Variants in CORO2B observed in about 807,000 individuals in gnomAD.
CORO2B encodes coronin-2B.
Under a neutral mutation model 58.8 loss-of-function variants are expected in CORO2B, and 26 were observed. The observed-to-expected ratio is 0.44, with a 90% CI of 0.32 to 0.61. The LOEUF is 0.61. CORO2B is among the 20% of genes least tolerant of loss of function. CORO2B has a pLI of 0.04. For missense variants in CORO2B, 460 were observed against 645.1 expected, an observed-to-expected ratio of 0.71 and a Z score of 3.11; for synonymous variants, 242 against 253.8, an observed-to-expected ratio of 0.95 and a Z score of 0.44.
chr15:68,522,903 T>G, the CORO2B span, among the ~76,000 whole-genome samples: 2 of 152,226 alleles, frequency 1.3e-5, no homozygotes, highest in African/African-American at 2.4e-5. Context: ...TATTTTTTAT[T>G]GAATACTGGA....
chr15:68,523,211 G>A, the CORO2B span, among the ~76,000 whole-genome samples: 2 of 151,086 alleles, frequency 1.3e-5, no homozygotes, highest in East Asian at 3.9e-4. Flanking sequence ...TTCTTTTTGA[G>A]ACAGGGTCTC....
At chr15:68,591,069 T>C (rs1346267760) in intron 1 of CORO2B, among the ~76,000 whole-genome samples, 1 of 152,160 alleles carries the variant, frequency 6.6e-6, no homozygotes, top group Admixed American at 6.5e-5. Flanking sequence ...GGGATCCTGG[T>C]CTGTGGGGGG....
At chr15:68,692,729 G>A (rs758316541) in intron 2 of CORO2B, among the ~76,000 whole-genome samples, 5 of 150,266 alleles carry the variant, frequency 3.3e-5, no homozygotes, top group Non-Finnish European at 7.4e-5. Flanking sequence ...CGCCTCCTAG[G>A]TTCAAGTGAT....
chr15:68,526,353 A>G, the CORO2B span, among the ~76,000 whole-genome samples: 1 of 152,214 alleles, frequency 6.6e-6, no homozygotes, highest in Non-Finnish European at 1.5e-5. Context: ...AAATTTTCTG[A>G]AGGGGCTATA....
chr15:68,642,876 A>C (rs1224166685), intron 1 of CORO2B, among the ~76,000 whole-genome samples: 1 of 152,198 alleles, frequency 6.6e-6, no homozygotes, highest in African/African-American at 2.4e-5. Context: ...AAGGAACAGG[A>C]GGTTGGAGTG....
chr15:68,638,863 G>A (rs935989381), intron 1 of CORO2B, among the ~76,000 whole-genome samples: 6 of 152,346 alleles, frequency 3.9e-5, no homozygotes, highest in East Asian at 1.9e-4. Context: ...TCATGACTGC[G>A]GGTGGGCTTT....
At chr15:68,621,763 ACTT>A (rs1900525691) in intron 1 of CORO2B, among the ~76,000 whole-genome samples, 1 of 141,786 alleles carries the variant, frequency 7.1e-6, no homozygotes. Context: ...GGCAAGTTTC[ACTT>A]CTTTTTTTTT....
chr15:68,607,817 CAAAA>C (rs34353055), intron 1 of CORO2B, among the ~76,000 whole-genome samples: 1 of 106,200 alleles, frequency 9.4e-6, no homozygotes. Context: ...GACCCTATCT[CAAAA>C]AAAAAAAAAA....
At chr15:68,578,902 C>A, upstream of CORO2B, 1 of 485,112 alleles carries the variant, frequency 2.1e-6, no homozygotes, top group Non-Finnish European at 2.7e-6. The surrounding 1 kb of genome is among the most constrained non-coding windows in gnomAD (Gnocchi z 4.2). Context: ...GCTTCCTCCT[C>A]CTCCTCCCTC....
intron 1 of CORO2B, among the ~76,000 whole-genome samples, chr15:68,581,042 G>A (rs57506624): frequency 9.2e-5 from 14 of 152,138 alleles, no homozygotes; most frequent in Non-Finnish European, 1.8e-4. Context: ...GCTCTGCATC[G>A]TTGGGCATCC....
chr15:68,699,064 G>A (rs1892580738), intron 3 of CORO2B, among the ~76,000 whole-genome samples: 1 of 152,192 alleles, frequency 6.6e-6, no homozygotes, highest in Non-Finnish European at 1.5e-5. Context: ...AGGAGTCCCA[G>A]GAAGAGACCC....
chr15:68,687,178 T>C (rs1903010744), intron 2 of CORO2B, among the ~76,000 whole-genome samples: 1 of 152,168 alleles, frequency 6.6e-6, no homozygotes, highest in Non-Finnish European at 1.5e-5. Context: ...GACCAGGGTC[T>C]GGGAATCTGG....
intron 3 of CORO2B, among the ~76,000 whole-genome samples, chr15:68,698,612 G>A (rs1892569238): frequency 2.6e-5 from 4 of 152,156 alleles, no homozygotes; most frequent in Non-Finnish European, 5.9e-5. Flanking sequence ...TGGCTGCTGG[G>A]GTCCAAAGAG....
intron 2 of CORO2B, among the ~76,000 whole-genome samples, chr15:68,691,920 C>T (rs564505577): frequency 6.6e-6 from 1 of 152,294 alleles, no homozygotes; most frequent in African/African-American, 2.4e-5. Flanking sequence ...GTGCCAAACA[C>T]TTAATGCACA....
At chr15:68,542,623 T>G in the CORO2B span, among the ~76,000 whole-genome samples, 1 of 152,242 alleles carries the variant, frequency 6.6e-6, no homozygotes, top group Non-Finnish European at 1.5e-5. Flanking sequence ...GGCACCCTCA[T>G]GGCCACCTGT....
chr15:68,621,719 C>T (rs1163758959), intron 1 of CORO2B, among the ~76,000 whole-genome samples: 6 of 151,494 alleles, frequency 4.0e-5, no homozygotes, highest in African/African-American at 1.2e-4. Context: ...GGGTTCAAAG[C>T]TCAGTTCAGC....
chr15:68,533,625 C>T, the CORO2B span, among the ~76,000 whole-genome samples: 1 of 152,166 alleles, frequency 6.6e-6, no homozygotes, highest in South Asian at 2.1e-4. Context: ...GAGGCTGGGC[C>T]TCCTTGGGCA....
the CORO2B span, among the ~76,000 whole-genome samples, chr15:68,567,835 G>T: frequency 6.6e-6 from 1 of 152,094 alleles, no homozygotes; most frequent in South Asian, 2.1e-4. Context: ...GCCTGACCAA[G>T]ATAGTGAAAC....
chr15:68,635,859 C>T (rs1414686314), intron 1 of CORO2B, among the ~76,000 whole-genome samples: 1 of 152,146 alleles, frequency 6.6e-6, no homozygotes, highest in Non-Finnish European at 1.5e-5. Context: ...CTTGTCTCTG[C>T]CCTCCTATTC....
Sources: allele counts gnomAD v4.1 joint callset (sites outside exome capture counted in the v4.1 genomes callset), GRCh38; gene constraint gnomAD v4.1.1; non-coding constraint Gnocchi (gnomAD v3.1); transcripts MANE v1.5; gene names NCBI Gene and HGNC (gene_info 2026-07-23, HGNC 2026-07-21).